NQO1: variants seen among roughly 807,000 people sequenced by gnomAD.
NQO1 encodes NAD(P)H dehydrogenase [quinone] 1.
In NQO1, 30 loss-of-function variants were observed where a neutral mutation model predicts 32.1. The observed-to-expected ratio is 0.94, with a 90% CI of 0.70 to 1.27. The LOEUF is 1.27. Among genes scored for constraint, NQO1 ranks in the 50% most tolerant of loss-of-function variants. The pLI is 0.00. For missense variants in NQO1, 276 were observed against 331.3 expected (o/e 0.83, Z 1.30); for synonymous variants, 109 against 119.7 (o/e 0.91, Z 0.59).
Position 69,709,511 on chromosome 16 carries a change from G to T in NQO1, c.*1465C>A. 2.8e-6 allele frequency: 1 copy of T among 363,320 alleles called. No individual in the cohort carries two copies. Among genetic ancestry groups the T allele is most frequent in the East Asian group, 4.0e-5 (1 of 25,118 alleles). 22.5% of individuals were successfully genotyped at this position (363,320 alleles called of 1,614,324 possible). ...AAATATTTTCAAACTGAAACACCCA[G>T]CCGTCAGCTATTGTGGATACTGTCG... On this transcript the variant is annotated 3_prime_UTR_variant, in exon 6 of 6. Transcript: ENST00000320623.
chr16:69,711,519 G>A (rs1207567019), intron 5 of NQO1, among the ~76,000 whole-genome samples: 1 of 152,088 alleles, frequency 6.6e-6, no homozygotes, highest in Non-Finnish European at 1.5e-5. Context: ...GTGCCAACCT[G>A]GATCCTTTGC....
intron 5 of NQO1, among the ~76,000 whole-genome samples, chr16:69,712,805 AAC>A (rs2151742694): frequency 6.6e-6 from 1 of 152,154 alleles, no homozygotes; most frequent in South Asian, 2.1e-4. Flanking sequence ...AAGTGTTTGA[AAC>A]CAGCCTGGCT....
chr16:69,726,491 C>T lies in NQO1; in HGVS notation c.-52G>A, dbSNP rs1254098148. On this transcript the variant is annotated 5_prime_UTR_variant, in exon 1 of 6. Coordinates refer to ENST00000320623, the MANE Select transcript of NQO1 (RefSeq NM_000903.3). The stretch of plus-strand genomic sequence containing the variant: ...TTGGCTGGGCTCGTGGTTGCCGGGG[C>T]GACCCTGGCCGGAACTAGGCTCTCG... 2 of 1,597,594 alleles carry T rather than the reference C, an allele frequency of 1.3e-6. No individual in the cohort carries two copies. The highest frequency in any genetic ancestry group is 2.2e-5 in the East Asian group (1 of 44,746).
At position 69,711,685 on chromosome 16, in the gene NQO1, G is replaced by A. The variant is rs149336083; in HGVS notation, c.520-404C>T. Among the ~76,000 whole-genome samples the A allele has an allele frequency of 8.9e-3, 1,286 of 145,106 alleles. 19 individuals carry two copies. The highest frequency in any genetic ancestry group is 0.031 in the African/African-American group (1,233 of 39,196). ...TTTTTTTTTTTTGAGGCAGAGTCTC[G>A]CTCGGTCGTCCAGGCTGGAGTGCCA... On this transcript the variant is annotated intron_variant, in intron 5 of 5. Transcript: ENST00000320623.
chr16:69,711,079 T>G lies in NQO1; in HGVS notation c.722A>C (p.Lys241Thr), dbSNP rs766758174. 2.5e-6 allele frequency: 4 copies of G among 1,614,076 alleles called. No individual in the cohort carries two copies. In the South Asian group the frequency reaches 4.4e-5, roughly 18 times the overall value. ...GTTTTTCTCCTCATCCTGTACCTCTTTTTTCATTAAGAATCCTGCCTGGAA... is the reference window on the plus strand; with the variant it reads ...GTTTTTCTCCTCATCCTGTACCTCTGTTTTCATTAAGAATCCTGCCTGGAA... ...LNFQAGFLMK[K>T]EVQDEEKNKK... is the part of the protein sequence containing the mutation. The change falls in exon 6 of 6, where the codon AAA becomes ACA. Residue 241 changes from lysine to threonine, a missense_variant. Coordinates refer to ENST00000320623, the MANE Select transcript of NQO1 (RefSeq NM_000903.3).
At chr16:69,713,646 T>C (rs184722389) in intron 4 of NQO1, among the ~76,000 whole-genome samples, 2 of 152,300 alleles carry the variant, frequency 1.3e-5, no homozygotes, top group Admixed American at 1.3e-4. Context: ...TCTGCTATTC[T>C]AGTTTTAGCT....
chr16:69,719,456 C>T (rs1392425897), intron 1 of NQO1, among the ~76,000 whole-genome samples: 4 of 152,110 alleles, frequency 2.6e-5, no homozygotes, highest in Non-Finnish European at 5.9e-5. Context: ...TGGGTACATC[C>T]ACACTACAGG....
Position 69,711,381 on chromosome 16 carries a change from A to G in NQO1, c.520-100T>C, listed in dbSNP as rs534964207. 4 of 964,004 alleles carry G rather than the reference A, an allele frequency of 4.1e-6. No individual in the cohort carries two copies. In the East Asian group the frequency reaches 9.6e-5, roughly 23 times the overall value. 59.7% of individuals were successfully genotyped at this position (964,004 alleles called of 1,614,324 possible). ...CTGGGCTTCTCAGTAAGACACTCTG[A>G]TAAGGAGGCCTCAGGCACACTAGAG... On this transcript the variant is annotated intron_variant, in intron 5 of 5. Transcript: ENST00000320623.
rs370216496 is a variant in NQO1, at chr16:69,712,365, G to A, written c.519+663C>T. 1.6e-4 allele frequency among the ~76,000 whole-genome samples: 24 copies of A among 152,216 alleles called. No homozygotes were observed. The East Asian group carries it at 4.6e-3, about 29-fold the overall frequency. On this transcript the variant is annotated intron_variant, in intron 5 of 5. Coordinates refer to ENST00000320623, the MANE Select transcript of NQO1 (RefSeq NM_000903.3). ...TAAATCATTTCTTAAATTGTCTTGG[G>A]CTCTAATAGTCTATGGGACTGTATC...
chr16:69,722,447 AC>A (rs1377963703), intron 1 of NQO1, among the ~76,000 whole-genome samples: 6 of 152,206 alleles, frequency 3.9e-5, no homozygotes, highest in Admixed American at 3.9e-4. Flanking sequence ...GGCGTGAGCC[AC>A]CGCGCCCAGC....
At chr16:69,725,839 A>G (rs689461) in intron 1 of NQO1, among the ~76,000 whole-genome samples, 9,258 of 152,224 alleles carry the variant, frequency 0.061, 317 homozygotes, top group Middle Eastern at 0.12. Flanking sequence ...GCGCCATTGC[A>G]CTACAGCCTG....
chr16:69,724,677 G>C (rs1361215953), intron 1 of NQO1, among the ~76,000 whole-genome samples: 1 of 151,838 alleles, frequency 6.6e-6, no homozygotes, highest in African/African-American at 2.4e-5. Context: ...CTCCAGCCTG[G>C]GCAACAAAGC....
intron 5 of NQO1, among the ~76,000 whole-genome samples, chr16:69,712,221 G>T (rs963839553): frequency 6.6e-6 from 1 of 151,842 alleles, no homozygotes; most frequent in Admixed American, 6.6e-5. Context: ...GGGACCACAG[G>T]TGTATGACTA....
Position 69,710,902 on chromosome 16 carries a change from A to G in NQO1, c.*74T>C. ...AAGAAAAACACAAATCTTAAAAACTAAAGCAAGTCAGGGAAGCCTGGAAAG... is the reference window on the plus strand; with the variant it reads ...AAGAAAAACACAAATCTTAAAAACTGAAGCAAGTCAGGGAAGCCTGGAAAG... On this transcript the variant is annotated 3_prime_UTR_variant, in exon 6 of 6. Transcript: ENST00000320623. The G allele has an allele frequency of 1.4e-6, 2 of 1,461,860 alleles. No homozygotes were observed. Among genetic ancestry groups the G allele is most frequent in the Admixed American group, 2.2e-5 (1 of 45,634 alleles). The allele number at this position is 1,461,860 out of a possible 1,614,324, so 90.6% of individuals were successfully genotyped here.
chr16:69,711,429 C>G (rs1296396899), intron 5 of NQO1, 148 bp from the exon 6 acceptor site: 3 of 649,810 alleles, frequency 4.6e-6, no homozygotes, highest in Non-Finnish European at 7.9e-6. Flanking sequence ...GCTAGCGTCT[C>G]TCTCTTACCC....
chr16:69,725,710 C>T (rs539460563), intron 1 of NQO1, among the ~76,000 whole-genome samples: 12 of 152,146 alleles, frequency 7.9e-5, no homozygotes, highest in Non-Finnish European at 1.6e-4. Context: ...CCCGTCTGTA[C>T]TAAAAATATA....
Position 69,718,122 on chromosome 16 carries a change from C to A in NQO1, c.303+1G>T. 1 of 1,613,998 alleles carries A rather than the reference C, an allele frequency of 6.2e-7. No homozygotes were observed. Among genetic ancestry groups the A allele is most frequent in the Non-Finnish European group, 8.5e-7 (1 of 1,179,888 alleles). On this transcript the variant is annotated splice_donor_variant, in intron 3 of 5. Transcript: ENST00000320623. LOFTEE classifies it high-confidence loss of function. ...ACACCCCTTCCGATGTCCCCCCATACCTGGAATATCACAAGGTCTGCGGCT... is the reference window on the plus strand; with the variant it reads ...ACACCCCTTCCGATGTCCCCCCATAACTGGAATATCACAAGGTCTGCGGCT...
In NQO1 at chr16:69,711,291, C is replaced by G. The variant is rs747521344; in HGVS notation, c.520-10G>C. On this transcript the variant is annotated splice_polypyrimidine_tract_variant and intron_variant, in intron 5 of 5. Coordinates refer to ENST00000320623, the MANE Select transcript of NQO1 (RefSeq NM_000903.3). Reference sequence around the variant, plus strand: ...AATGCAGAATGCCACTCTGAGGATACAGAAAGCACAGAGAGGTAAGTCAAC... The same window carrying G: ...AATGCAGAATGCCACTCTGAGGATAGAGAAAGCACAGAGAGGTAAGTCAAC... 6 of 1,599,884 alleles carry G rather than the reference C, an allele frequency of 3.8e-6. No individual in the cohort carries two copies. The highest frequency in any genetic ancestry group is 3.4e-6 in the Non-Finnish European group (4 of 1,170,728).
intron 1 of NQO1, among the ~76,000 whole-genome samples, chr16:69,723,832 A>G (rs2038225726): frequency 1.3e-5 from 2 of 152,028 alleles, no homozygotes; most frequent in Admixed American, 1.3e-4. Flanking sequence ...GCTTGTGAAT[A>G]GGCAATTTAA....
Sources: allele counts gnomAD v4.1 joint callset (sites outside exome capture counted in the v4.1 genomes callset), GRCh38; gene constraint gnomAD v4.1.1; transcripts MANE v1.5; gene names NCBI Gene and HGNC (gene_info 2026-07-23, HGNC 2026-07-21).